NUP214: variants seen among roughly 807,000 people sequenced by gnomAD.
The protein encoded by NUP214 is nucleoporin 214, also known as nuclear pore complex protein Nup214.
In NUP214, 79 loss-of-function variants were observed where a neutral mutation model predicts 196.2. The ratio of observed to expected loss-of-function variants is 0.40; its 90% CI spans 0.34 to 0.49. The LOEUF (loss-of-function observed/expected upper bound fraction) is 0.49. NUP214 is among the 20% of genes least tolerant of loss of function. The probability of loss-of-function intolerance (pLI) is 0.58; values close to 1 mark genes in which losing one functional copy is unlikely to be tolerated. For synonymous variants in NUP214, 1,020 were observed against 990.5 expected, an observed-to-expected ratio of 1.03 and a Z score of -0.56; for missense variants, 2,468 against 2,539.0, an observed-to-expected ratio of 0.97 and a Z score of 0.60.
intron 11 of NUP214, among the ~76,000 whole-genome samples, 172 bp from the exon 12 acceptor site, chr9:131,144,108 A>T (rs1832010602): frequency 6.6e-6 from 1 of 152,172 alleles, no homozygotes; most frequent in Admixed American, 6.5e-5. Context: ...CATTTATCTC[A>T]TGAGACCTGA....
Position 131,233,857 on chromosome 9 carries a change from A to G in NUP214, c.*370A>G. 2.5e-6 allele frequency: 1 copy of G among 402,726 alleles called. No homozygotes were observed. Among genetic ancestry groups the G allele is most frequent in the South Asian group, 2.5e-5 (1 of 40,544 alleles). 24.9% of individuals were successfully genotyped at this position (402,726 alleles called of 1,614,324 possible). On this transcript the variant is annotated 3_prime_UTR_variant, in exon 36 of 36. Transcript: ENST00000359428. The stretch of plus-strand genomic sequence containing the variant: ...GTCGGGTGTTGATAAACAGCATCGA[A>G]TGTGCCGTGGTCTCACTTGGACCTA...
chr9:131,140,087 C>T (rs1315800481), intron 10 of NUP214, among the ~76,000 whole-genome samples: 1 of 152,154 alleles, frequency 6.6e-6, no homozygotes, highest in Non-Finnish European at 1.5e-5. Flanking sequence ...AAAATACATA[C>T]TTGTCATTCA....
rs149715806 is a variant in NUP214 at position 131,179,395 on chromosome 9, C to G, written c.3419+985C>G. On this transcript the variant is annotated intron_variant, in intron 24 of 35. Transcript: ENST00000359428. ...GGCAGGTTCGCAGAACATGCCTGTG[C>G]CCTGCTTTGCCCTGCATATTTTGTG... Among the ~76,000 whole-genome samples the G allele has an allele frequency of 3.3e-5, 5 of 152,184 alleles. No individual in the cohort carries two copies. In the East Asian group the frequency reaches 9.6e-4, roughly 29 times the overall value.
At chr9:131,184,841 T>C (rs895975424) in intron 24 of NUP214, among the ~76,000 whole-genome samples, 4 of 152,246 alleles carry the variant, frequency 2.6e-5, no homozygotes, top group African/African-American at 4.8e-5. Context: ...CATCGACAGA[T>C]GTCAAAAACG....
At chr9:131,218,558 C>T (rs915822325) in intron 31 of NUP214, among the ~76,000 whole-genome samples, 1 of 152,082 alleles carries the variant, frequency 6.6e-6, no homozygotes, top group Non-Finnish European at 1.5e-5. Context: ...TCTACCTTCT[C>T]TCCCTCCCCT....
intron 32 of NUP214, among the ~76,000 whole-genome samples, chr9:131,225,272 A>G (rs1346196019): frequency 3.9e-5 from 6 of 152,090 alleles, no homozygotes; most frequent in Admixed American, 1.3e-4. Flanking sequence ...TGCAAAAATA[A>G]GCCAGGCACG....
chr9:131,200,351 G>T (rs1328737379), intron 29 of NUP214, among the ~76,000 whole-genome samples: 3 of 152,234 alleles, frequency 2.0e-5, no homozygotes. Flanking sequence ...CGAGGCAGGG[G>T]AATCACTTGA....
chr9:131,171,800 G>A lies in NUP214; in HGVS notation c.2894-2255G>A, dbSNP rs760331461. On this transcript the variant is annotated intron_variant, in intron 21 of 35. Coordinates refer to ENST00000359428, the MANE Select transcript of NUP214 (RefSeq NM_005085.4). ...TTCCCACCTGTGAGTGAGAACATGCGGTGTTTGGTTTTTTGTCCTTGCAAT... is the reference window on the plus strand; with the variant it reads ...TTCCCACCTGTGAGTGAGAACATGCAGTGTTTGGTTTTTTGTCCTTGCAAT... Among the ~76,000 whole-genome samples the A allele has an allele frequency of 6.7e-4, 102 of 152,100 alleles. 1 individual carries two copies. In the Middle Eastern group the frequency reaches 0.014, roughly 20 times the overall value.
intron 24 of NUP214, among the ~76,000 whole-genome samples, chr9:131,183,715 A>G (rs1419377268): frequency 6.6e-6 from 1 of 152,174 alleles, no homozygotes; most frequent in East Asian, 1.9e-4. Flanking sequence ...ATGACCAGAA[A>G]CTTAAAAGGA....
intron 12 of NUP214, among the ~76,000 whole-genome samples, chr9:131,145,779 T>C (rs1047045402): frequency 6.6e-6 from 1 of 152,220 alleles, no homozygotes; most frequent in Non-Finnish European, 1.5e-5. Flanking sequence ...GAGAAAGTAC[T>C]AACTCTCCTA....
rs12336901 is a variant in NUP214, at chr9:131,216,180, A to G, written c.5749+812A>G. Among the ~76,000 whole-genome samples the G allele has an allele frequency of 6.3e-3, 912 of 145,474 alleles. 10 individuals carry two copies. The highest frequency in any genetic ancestry group is 0.022 in the African/African-American group (871 of 39,484). On this transcript the variant is annotated intron_variant, in intron 31 of 35. Coordinates refer to ENST00000359428, the MANE Select transcript of NUP214 (RefSeq NM_005085.4). ...GCTGGGATTACAGGTATGAGCCACC[A>G]TGCCCAGCCTTCTTTAGCTAATTTT...
At position 131,232,363 on chromosome 9, in the gene NUP214, G is replaced by T. The variant is rs989406372; in HGVS notation, c.6239+55G>T. The T allele has an allele frequency of 2.0e-6, 3 of 1,517,560 alleles. No homozygotes were observed. Among genetic ancestry groups the T allele is most frequent in the Non-Finnish European group, 2.7e-6 (3 of 1,091,692 alleles). The allele number at this position is 1,517,560 out of a possible 1,614,324, so 94.0% of individuals were successfully genotyped here. A position where few individuals can be genotyped will look rare whatever the true frequency, so the allele number is the denominator to read the frequency against. The stretch of plus-strand genomic sequence containing the variant: ...TAATTAAAAGCATTAAATAAGGTTG[G>T]AAGTGTGTGGATCTTGCTGGATTTG... On this transcript the variant is annotated intron_variant, in intron 35 of 35. Transcript: ENST00000359428. The surrounding 1 kb of genome is among the most constrained non-coding windows in gnomAD (Gnocchi z 5.1).
chr9:131,229,566 C>G (rs145057616), intron 33 of NUP214: 63 of 403,272 alleles, frequency 1.6e-4, no homozygotes, highest in African/African-American at 1.3e-3. Context: ...TGGGGCGGCT[C>G]TCACACAAAT....
intron 24 of NUP214, among the ~76,000 whole-genome samples, chr9:131,186,775 G>A (rs1200480539): frequency 2.6e-5 from 4 of 152,232 alleles, no homozygotes; most frequent in Non-Finnish European, 5.9e-5. Context: ...GTTGGGAATG[G>A]AACAGTGGTA....
chr9:131,142,560 C>T (rs1203553993), intron 11 of NUP214, among the ~76,000 whole-genome samples: 1 of 152,234 alleles, frequency 6.6e-6, no homozygotes, highest in African/African-American at 2.4e-5. Flanking sequence ...TTCCAATAAT[C>T]AGTTCTGTTT....
chr9:131,184,470 A>G (rs1317940368), intron 24 of NUP214, among the ~76,000 whole-genome samples: 1 of 151,034 alleles, frequency 6.6e-6, no homozygotes, highest in African/African-American at 2.4e-5. Context: ...AGTAGCTGGG[A>G]CTACAGGCAC....
At chr9:131,188,057 T>C (rs1833502592) in intron 25 of NUP214, among the ~76,000 whole-genome samples, 1 of 152,214 alleles carries the variant, frequency 6.6e-6, no homozygotes, top group Non-Finnish European at 1.5e-5. Flanking sequence ...CAGCCTAGGC[T>C]TGAGTGACCA....
At chr9:131,149,081 C>T (rs1446105504) in intron 14 of NUP214, among the ~76,000 whole-genome samples, 1 of 152,064 alleles carries the variant, frequency 6.6e-6, no homozygotes, top group Non-Finnish European at 1.5e-5. Flanking sequence ...CAGTTTCCCA[C>T]GTGATTACTT....
chr9:131,184,997 G>A (rs1246108275), intron 24 of NUP214, among the ~76,000 whole-genome samples: 1 of 152,194 alleles, frequency 6.6e-6, no homozygotes, highest in Non-Finnish European at 1.5e-5. Flanking sequence ...ACATGTGATA[G>A]TGATTAAGAT....
Sources: allele counts gnomAD v4.1 joint callset (sites outside exome capture counted in the v4.1 genomes callset), GRCh38; gene constraint gnomAD v4.1.1; non-coding constraint Gnocchi (gnomAD v3.1); transcripts MANE v1.5; gene names NCBI Gene and HGNC (gene_info 2026-07-23, HGNC 2026-07-21).